USP22: variants seen among roughly 807,000 people sequenced by gnomAD.
The protein encoded by USP22 is ubiquitin carboxyl-terminal hydrolase 22.
Under a neutral mutation model 68.1 loss-of-function variants are expected in USP22, and 22 were observed. The observed-to-expected ratio is 0.32, with a 90% confidence interval of 0.23 to 0.46. The LOEUF is 0.46. Among genes scored for constraint, USP22 ranks in the 20% least tolerant of loss-of-function variants. The pLI, the probability that USP22 is intolerant of heterozygous loss-of-function variation, is 1.00. For missense variants in USP22, 433 were observed against 695.8 expected, an observed-to-expected ratio of 0.62 and a Z score of 4.25; for synonymous variants, 279 against 274.2, an observed-to-expected ratio of 1.02 and a Z score of -0.17.
At chr17:21,028,337 C>T (rs1234572454) in intron 2 of USP22, among the ~76,000 whole-genome samples, 1 of 152,170 alleles carries the variant, frequency 6.6e-6, no homozygotes, top group African/African-American at 2.4e-5. Context: ...CACTCAGAAC[C>T]ATCGGATGCG....
chr17:21,008,819 G>A (rs1437518033), intron 8 of USP22, among the ~76,000 whole-genome samples: 2 of 152,046 alleles, frequency 1.3e-5, no homozygotes, highest in African/African-American at 4.8e-5. Context: ...GGCCAGGTGC[G>A]GCAGCTCACA....
chr17:21,021,276 A>C, intron 2 of USP22, 50 bp from the exon 3 acceptor site: 16 of 1,292,592 alleles, frequency 1.2e-5, no homozygotes, highest in Non-Finnish European at 1.8e-5. Context: ...AAAAACCACA[A>C]TGGAAGGCTG....
At chr17:21,041,400 C>T (rs1228974401) in intron 1 of USP22, among the ~76,000 whole-genome samples, 3 of 151,810 alleles carry the variant, frequency 2.0e-5, no homozygotes, top group Non-Finnish European at 4.4e-5. Flanking sequence ...GAGTTCCAGA[C>T]CAGCCTGGCC....
intron 2 of USP22, 99 bp downstream of exon 2, chr17:21,028,443 C>A: frequency 6.5e-7 from 1 of 1,545,444 alleles, no homozygotes; most frequent in Non-Finnish European, 8.7e-7. Flanking sequence ...AGACAAACGA[C>A]AAAGTGGACT....
intron 8 of USP22, among the ~76,000 whole-genome samples, chr17:21,010,306 G>C (rs1027921096): frequency 6.6e-6 from 1 of 152,146 alleles, no homozygotes; most frequent in South Asian, 2.1e-4. Flanking sequence ...TAAAACAAAG[G>C]CTATAAAATA....
chr17:21,017,876 A>T (rs186888337), intron 5 of USP22, 66 bp downstream of exon 5: 614 of 1,458,882 alleles, frequency 4.2e-4, no homozygotes, highest in Admixed American at 3.2e-3. Context: ...TCCACCTTAA[A>T]TTTTTTTTTT....
rs1179301503 is a variant in USP22, at chr17:21,017,889, A to G, written c.690+53T>C. 3 of 1,584,884 alleles carry G rather than the reference A, an allele frequency of 1.9e-6. No individual in the cohort carries two copies. The African/African-American group carries it at 4.1e-5, about 22-fold the overall frequency. On this transcript the variant is annotated intron_variant, in intron 5 of 12. Coordinates refer to ENST00000261497, the MANE Select transcript of USP22 (RefSeq NM_015276.2). ...GGTCCACCTTAAATTTTTTTTTTGAAGGTGAAAACAAAGTAACAGAAATGT... is the reference window on the plus strand; with the variant it reads ...GGTCCACCTTAAATTTTTTTTTTGAGGGTGAAAACAAAGTAACAGAAATGT...
intron 2 of USP22, among the ~76,000 whole-genome samples, chr17:21,025,861 T>G (rs1410171087): frequency 1.3e-5 from 2 of 152,202 alleles, no homozygotes; most frequent in Non-Finnish European, 1.5e-5. Context: ...GGCAGTGATC[T>G]GTTAACGACG....
In USP22 at chr17:20,999,744, ATTT is replaced by A. The variant is rs1243476754; in HGVS notation, c.*3284_*3286del. The A allele has an allele frequency of 1.2e-4, 18 of 152,198 alleles. No homozygotes were observed. The allele number at this position is 152,198 out of a possible 1,614,324, so 9.4% of individuals were successfully genotyped here. A position where few individuals can be genotyped will look rare whatever the true frequency, so the allele number is the denominator to read the frequency against. On this transcript the variant is annotated 3_prime_UTR_variant, in exon 13 of 13. Transcript: ENST00000261497. ...CTCCAACCACAGCACAGTCATTGGAATTTTTTTCTTCATTTTTATTTTCAAACT... is the reference window on the plus strand; with the variant it reads ...CTCCAACCACAGCACAGTCATTGGAATTTTCTTCATTTTTATTTTCAAACT...
chr17:21,014,626 T>C (rs957353612), intron 6 of USP22, among the ~76,000 whole-genome samples: 5 of 152,118 alleles, frequency 3.3e-5, no homozygotes, highest in African/African-American at 9.7e-5. Context: ...TCAGAACCCA[T>C]AGGTTGTACG....
chr17:21,022,731 G>A (rs546607328), intron 2 of USP22, among the ~76,000 whole-genome samples: 70 of 151,180 alleles, frequency 4.6e-4, no homozygotes, highest in Admixed American at 3.6e-3. Context: ...CCTGGGAGGC[G>A]GAGCTTGCTA....
At chr17:21,042,483 A>AG (rs1451548713) in intron 1 of USP22, among the ~76,000 whole-genome samples, 182 bp downstream of exon 1, 2 of 103,892 alleles carry the variant, frequency 1.9e-5, no homozygotes, top group African/African-American at 7.8e-5. Context: ...GAGAGAGTTG[A>AG]GGGGGGAAGG....
intron 1 of USP22, among the ~76,000 whole-genome samples, chr17:21,030,238 A>G (rs1033832110): frequency 6.6e-6 from 1 of 152,160 alleles, no homozygotes; most frequent in Non-Finnish European, 1.5e-5. Flanking sequence ...TGGTTATAAT[A>G]TATTGTTTCA....
In USP22 at chr17:21,011,211, T is replaced by C. The variant is rs751312833; in HGVS notation, c.1043A>G (p.Asn348Ser). The part of the protein sequence containing the change: ...FWPLSPGSEG[N>S]VVNGESHVSG... ...CACGTGGCTTTCCCCGTTTACCACG[T>C]TGCCCTCGCTCCCTGGGCTCAGGGG... The change falls in exon 8 of 13, where the codon AAC (asparagine) becomes AGC (serine). Residue 348 changes from asparagine to serine, a missense_variant. Physicochemically the swap from Asn to Ser is conservative, Grantham distance 46 (BLOSUM62 1). This residue lies in a region of USP22 where 178 missense variants were observed against 351.5 expected (regional missense o/e 0.51). Transcript: ENST00000261497. 13 of 1,612,312 alleles carry C rather than the reference T, an allele frequency of 8.1e-6. No individual in the cohort carries two copies. Among genetic ancestry groups the C allele is most frequent in the Middle Eastern group, 1.6e-4 (1 of 6,078 alleles).
intron 3 of USP22, 28 bp from the exon 4 acceptor site, chr17:21,019,213 G>A (rs746059165): frequency 3.7e-6 from 6 of 1,600,302 alleles, no homozygotes; most frequent in Middle Eastern, 1.7e-4. Context: ...AGTTCCAAGC[G>A]CTATTAGCTA....
chr17:21,020,308 TAAAG>T (rs1243327701), intron 3 of USP22, among the ~76,000 whole-genome samples: 4 of 60,966 alleles, frequency 6.6e-5, no homozygotes, highest in Non-Finnish European at 1.1e-4. Context: ...AAATAAAAAA[TAAAG>T]AAAATGACTG....
chr17:21,031,243 T>G (rs902423667), intron 1 of USP22, among the ~76,000 whole-genome samples: 1 of 152,216 alleles, frequency 6.6e-6, no homozygotes, highest in Non-Finnish European at 1.5e-5. Context: ...CATTATTACT[T>G]GCAACACCGC....
At chr17:21,003,535 CCT>C (rs1913666131) in intron 12 of USP22, among the ~76,000 whole-genome samples, 1 of 152,228 alleles carries the variant, frequency 6.6e-6, no homozygotes, top group African/African-American at 2.4e-5. Context: ...CTGGGGTCCC[CCT>C]GACCCCTGGA....
intron 4 of USP22, 127 bp from the exon 5 acceptor site, chr17:21,018,238 G>T (rs577416917): frequency 3.0e-6 from 2 of 664,762 alleles, no homozygotes; most frequent in East Asian, 3.1e-5. Flanking sequence ...GCCAGAACAC[G>T]ATGAGATATC....
Sources: allele counts gnomAD v4.1 joint callset (sites outside exome capture counted in the v4.1 genomes callset), GRCh38; gene constraint gnomAD v4.1.1; regional missense constraint gnomAD v4.1.1; transcripts MANE v1.5; gene names NCBI Gene and HGNC (gene_info 2026-07-23, HGNC 2026-07-21).